Variants in TG observed in about 807,000 individuals in gnomAD.
TG encodes the protein thyroglobulin.
Under a neutral mutation model 324.7 loss-of-function variants are expected in TG, and 270 were observed. The observed-to-expected ratio is 0.83, with a 90% CI of 0.75 to 0.92. TG has a LOEUF of 0.92. Among genes scored for constraint, TG ranks in the 40% least tolerant of loss-of-function variants. TG has a pLI of 0.00. For synonymous variants in TG, 1,401 were observed against 1,327.0 expected (o/e 1.06, Z -1.21); for missense variants, 3,591 against 3,456.4 (o/e 1.04, Z -0.98).
chr8:133,007,458 A>T (rs1172009875), intron 35 of TG, among the ~76,000 whole-genome samples: 1 of 152,160 alleles, frequency 6.6e-6, no homozygotes, highest in Admixed American at 6.5e-5. Flanking sequence ...TACACAGACC[A>T]AAAATATAGC....
intron 32 of TG, among the ~76,000 whole-genome samples, chr8:132,970,147 C>T (rs969762744): frequency 1.4e-4 from 21 of 151,936 alleles, no homozygotes; most frequent in Non-Finnish European, 2.4e-4. Context: ...CATTGCAGTG[C>T]TCAGAATCTG....
intron 45 of TG, among the ~76,000 whole-genome samples, chr8:133,118,071 C>G (rs1850840868): frequency 6.6e-6 from 1 of 152,278 alleles, no homozygotes; most frequent in South Asian, 2.1e-4. Flanking sequence ...TTTATCTTTA[C>G]AATTAGCAAC....
At chr8:132,914,320 C>T (rs999125040) in intron 20 of TG, among the ~76,000 whole-genome samples, 1 of 152,146 alleles carries the variant, frequency 6.6e-6, no homozygotes, top group African/African-American at 2.4e-5. Context: ...GATAGAAAGA[C>T]ATTTTTATGG....
At chr8:133,031,343 C>T (rs968079509) in intron 41 of TG, among the ~76,000 whole-genome samples, 14 of 152,098 alleles carry the variant, frequency 9.2e-5, no homozygotes, top group Admixed American at 9.2e-4. Flanking sequence ...GCAGAGGGAC[C>T]ACATTTTGTT....
In TG at chr8:133,013,738, A is replaced by G; in HGVS notation, c.6536A>G (p.Glu2179Gly). Reference sequence around the variant, plus strand: ...AACTGCCGACTTCTGCTTCGTGAAGAGGCCACCCACATCTACCGGAAGCCA... The same window carrying G: ...AACTGCCGACTTCTGCTTCGTGAAGGGGCCACCCACATCTACCGGAAGCCA... Reference protein sequence around the residue: ...GQNCRLLLREEATHIYRKPGI... With the variant: ...GQNCRLLLREGATHIYRKPGI... The change falls in exon 37 of 48, where the codon GAG becomes GGG. Residue 2179 changes from glutamate (E) to glycine (G), a missense_variant. Physicochemically the swap from Glu to Gly is moderately conservative, Grantham distance 98. Coordinates refer to ENST00000220616, the MANE Select transcript of TG (RefSeq NM_003235.5). The G allele has an allele frequency of 6.2e-7, 1 of 1,612,578 alleles. No homozygotes were observed. Among genetic ancestry groups the G allele is most frequent in the Non-Finnish European group, 8.5e-7 (1 of 1,179,998 alleles).
chr8:132,882,494 T>C lies in TG; in HGVS notation c.771T>C (p.Ile257=). 6.2e-7 allele frequency: 1 copy of C among 1,614,212 alleles called. No homozygotes were observed. Among genetic ancestry groups the C allele is most frequent in the South Asian group, 1.1e-5 (1 of 91,080 alleles). The change falls in exon 7 of 48, where the codon ATT becomes ATC. Residue 257 remains isoleucine, a synonymous_variant. Transcript: ENST00000220616. ...ETGLELLLDE[I]YDTIFAGLDL... The stretch of plus-strand genomic sequence containing the variant: ...GTTTGGAGTTGTTACTGGATGAAAT[T>C]TATGACACCATTTTTGCTGGCCTGG...
chr8:132,898,119 G>C (rs947407700), intron 12 of TG, 50 bp from the exon 13 acceptor site: 1 of 1,526,724 alleles, frequency 6.5e-7, no homozygotes, highest in South Asian at 1.2e-5. Flanking sequence ...ACACTCCAGG[G>C]TAAGTCCCTA....
chr8:133,030,121 G>C, intron 41 of TG, 98 bp downstream of exon 41: 2 of 1,448,624 alleles, frequency 1.4e-6, no homozygotes, highest in Non-Finnish European at 1.9e-6. Context: ...CAATTGCTTG[G>C]GTTTCCCTTG....
At chr8:133,023,669 A>C (rs1043363265) in intron 40 of TG, among the ~76,000 whole-genome samples, 1 of 152,208 alleles carries the variant, frequency 6.6e-6, no homozygotes, top group Admixed American at 6.5e-5. Flanking sequence ...AGGTGGTGAC[A>C]TCAGGACTCG....
intron 26 of TG, 46 bp downstream of exon 26, chr8:132,941,588 A>G: frequency 3.7e-6 from 6 of 1,611,300 alleles, no homozygotes; most frequent in Non-Finnish European, 5.1e-6. Flanking sequence ...GATGGGGAGC[A>G]CACAGGGATG....
intron 26 of TG, among the ~76,000 whole-genome samples, chr8:132,942,251 G>A (rs891095245): frequency 2.6e-5 from 4 of 152,198 alleles, no homozygotes; most frequent in Non-Finnish European, 5.9e-5. Context: ...TTATAAAATA[G>A]AGATAATGAT....
At chr8:132,888,915 C>T (rs1287355125) in intron 10 of TG, among the ~76,000 whole-genome samples, 3 of 152,182 alleles carry the variant, frequency 2.0e-5, no homozygotes, top group Admixed American at 6.5e-5. Context: ...CCTCGTCCTC[C>T]TATGGTTAAT....
chr8:132,901,246 C>A, intron 15 of TG, 107 bp from the exon 16 acceptor site: 1 of 1,355,568 alleles, frequency 7.4e-7, no homozygotes, highest in Non-Finnish European at 1.0e-6. Context: ...GAAGGCCCTG[C>A]AGGCAGGTGG....
chr8:133,119,685 C>T (rs1386582100), intron 45 of TG, among the ~76,000 whole-genome samples: 2 of 152,162 alleles, frequency 1.3e-5, no homozygotes, highest in Admixed American at 6.5e-5. Flanking sequence ...CCATTTCCGC[C>T]TATGAATTCT....
intron 41 of TG, chr8:133,050,811 C>A: frequency 6.3e-7 from 1 of 1,581,554 alleles, no homozygotes; most frequent in Non-Finnish European, 8.7e-7. Context: ...GGAGAGCTGA[C>A]TCACTCAGAA....
intron 22 of TG, among the ~76,000 whole-genome samples, chr8:132,928,689 A>G (rs1822243032): frequency 6.6e-6 from 1 of 152,220 alleles, no homozygotes; most frequent in Non-Finnish European, 1.5e-5. Flanking sequence ...CTCATTTCGG[A>G]AAGAATTCAA....
Position 133,134,807 on chromosome 8 carries a change from C to A in TG, c.*13C>A. On this transcript the variant is annotated 3_prime_UTR_variant, in exon 48 of 48. Coordinates refer to ENST00000220616, the MANE Select transcript of TG (RefSeq NM_003235.5). Reference sequence around the variant, plus strand: ...CTACAGCAAGTGACCAGCCCTTGAGCTCCCCAAAAACCTCACCCGAGGCTG... The same window carrying A: ...CTACAGCAAGTGACCAGCCCTTGAGATCCCCAAAAACCTCACCCGAGGCTG... 1 of 1,610,652 alleles carries A rather than the reference C, an allele frequency of 6.2e-7. No homozygotes were observed.
chr8:132,973,392 A>G (rs370388716), intron 34 of TG, among the ~76,000 whole-genome samples: 35 of 152,276 alleles, frequency 2.3e-4, no homozygotes, highest in African/African-American at 8.4e-4. Context: ...TTGACCCAAC[A>G]TGGGTCCTTA....
chr8:132,955,080 C>T (rs1826648541), intron 27 of TG, among the ~76,000 whole-genome samples: 1 of 152,176 alleles, frequency 6.6e-6, no homozygotes, highest in African/African-American at 2.4e-5. Flanking sequence ...ATCCTTATAT[C>T]AATGCCTCCA....
Sources: allele counts gnomAD v4.1 joint callset (sites outside exome capture counted in the v4.1 genomes callset), GRCh38; gene constraint gnomAD v4.1.1; transcripts MANE v1.5; gene names NCBI Gene and HGNC (gene_info 2026-07-23, HGNC 2026-07-21).